The following UMAD1 variants were observed in gnomAD, a reference collection of about 807,000 sequenced individuals.
UMAD1 encodes the protein UBAP1-MVB12-associated (UMA) domain containing 1.
In UMAD1, 8 loss-of-function variants were observed where a neutral mutation model predicts 6.1. The observed-to-expected ratio is 1.30, with a 90% CI of 0.76 to 2.35. The LOEUF is 2.35. Among genes scored for constraint, UMAD1 ranks in the 30% most tolerant of loss-of-function variants. UMAD1 has a pLI of 0.00. For synonymous variants in UMAD1, 56 were observed against 31.4 expected (o/e 1.78, Z -2.61); for missense variants, 130 against 78.4 (o/e 1.66, Z -2.49).
intron 3 of UMAD1, among the ~76,000 whole-genome samples, chr7:7,842,212 G>A (rs147750519): frequency 6.6e-6 from 1 of 152,082 alleles, no homozygotes; most frequent in Admixed American, 6.5e-5. Flanking sequence ...AGTTCTGTGA[G>A]CCCCAGTTCT....
rs542509051 is a variant in UMAD1, at chr7:7,732,531, TA to T, written c.82+59080del. 3.7e-3 allele frequency among the ~76,000 whole-genome samples: 568 copies of T among 152,358 alleles called. 3 individuals are homozygous for T. The highest frequency in any genetic ancestry group is 0.013 in the African/African-American group (542 of 41,586). On this transcript the variant is annotated intron_variant, in intron 2 of 3. Transcript: ENST00000682710. ...TAAAAATGACTTAAATCAGTGTGCC[TA>T]AGACTTTAACATTGCAGTTTAAATT...
chr7:7,681,038 G>T, intron 2 of UMAD1, among the ~76,000 whole-genome samples: 1 of 151,914 alleles, frequency 6.6e-6, no homozygotes, highest in East Asian at 1.9e-4. Context: ...AATATATTTT[G>T]TTGGTTTGTG....
intron 3 of UMAD1, among the ~76,000 whole-genome samples, chr7:7,834,023 T>A (rs866265410): frequency 2.2e-5 from 3 of 135,652 alleles, no homozygotes; most frequent in East Asian, 2.1e-4. Context: ...TTTCTTTTTT[T>A]TTTTTTTTTT....
chr7:7,820,109 A>C (rs1783212875), intron 3 of UMAD1, among the ~76,000 whole-genome samples: 1 of 152,196 alleles, frequency 6.6e-6, no homozygotes, highest in Admixed American at 6.5e-5. Context: ...TTAATTAACC[A>C]AATGAATCAG....
At chr7:7,743,884 AC>A (rs1294557425) in intron 2 of UMAD1, among the ~76,000 whole-genome samples, 1 of 151,918 alleles carries the variant, frequency 6.6e-6, no homozygotes, top group Non-Finnish European at 1.5e-5. Context: ...CTTTTCCATC[AC>A]CCCAGAGAAA....
In UMAD1 at chr7:7,693,229, T is replaced by C. The variant is rs28912716; in HGVS notation, c.82+19776T>C. On this transcript the variant is annotated intron_variant, in intron 2 of 3. Coordinates refer to ENST00000682710, the MANE Select transcript of UMAD1 (RefSeq NM_001302348.2). ...ACTACTGAAATTGTACTGTGCTTCT[T>C]GTTTCCAGTATACAATTCACCAAAC... 4.5e-3 allele frequency among the ~76,000 whole-genome samples: 685 copies of C among 152,298 alleles called. 7 individuals are homozygous for C. Among genetic ancestry groups the C allele is most frequent in the African/African-American group, 0.016 (659 of 41,560 alleles).
At chr7:7,773,398 G>A (rs1022698847) in intron 2 of UMAD1, among the ~76,000 whole-genome samples, 1 of 152,164 alleles carries the variant, frequency 6.6e-6, no homozygotes, top group African/African-American at 2.4e-5. Context: ...CTGTTGAAGT[G>A]TTGATGTAGC....
chr7:7,678,724 T>A (rs1779827134), intron 2 of UMAD1, among the ~76,000 whole-genome samples: 2 of 113,466 alleles, frequency 1.8e-5, no homozygotes, highest in Non-Finnish European at 3.3e-5. Flanking sequence ...AGTTTATAAA[T>A]ATATATTTAT....
intron 1 of UMAD1, among the ~76,000 whole-genome samples, chr7:7,643,112 G>T (rs1012859014): frequency 6.6e-6 from 1 of 152,054 alleles, no homozygotes; most frequent in African/African-American, 2.4e-5. Context: ...TACCGAATTT[G>T]CTTCTCTAAA....
chr7:7,649,734 GTT>G (rs1423504605), intron 1 of UMAD1, among the ~76,000 whole-genome samples: 1 of 81,756 alleles, frequency 1.2e-5, no homozygotes, highest in African/African-American at 5.4e-5. Context: ...TGGTCCGAAT[GTT>G]TGTCTCTCTC....
At chr7:7,760,191 C>G (rs1781857171) in intron 2 of UMAD1, among the ~76,000 whole-genome samples, 1 of 151,990 alleles carries the variant, frequency 6.6e-6, no homozygotes, top group Non-Finnish European at 1.5e-5. Context: ...CCAGCTGAAC[C>G]CAACTTTCTA....
intron 3 of UMAD1, among the ~76,000 whole-genome samples, chr7:7,818,050 T>TGTAAAC (rs1783166966): frequency 1.3e-5 from 2 of 152,156 alleles, no homozygotes; most frequent in Non-Finnish European, 2.9e-5. Context: ...TAGGTAAACA[T>TGTAAAC]GTGTCATGGG....
At chr7:7,847,069 A>C (rs1361827807) in intron 3 of UMAD1, among the ~76,000 whole-genome samples, 5 of 107,412 alleles carry the variant, frequency 4.7e-5, no homozygotes, top group Non-Finnish European at 9.8e-5. Context: ...AAAAAAAAAA[A>C]AAAAAAAGAC....
intron 2 of UMAD1, among the ~76,000 whole-genome samples, chr7:7,797,691 ATT>A (rs35249714): frequency 6.3e-5 from 9 of 142,032 alleles, no homozygotes; most frequent in Non-Finnish European, 9.2e-5. Context: ...ATCATCCAAC[ATT>A]TTTTTTTTTT....
intron 2 of UMAD1, among the ~76,000 whole-genome samples, chr7:7,691,765 A>C (rs1438107801): frequency 6.6e-6 from 1 of 152,202 alleles, no homozygotes; most frequent in Non-Finnish European, 1.5e-5. Context: ...TCGAATTAAA[A>C]TTTGATGGTA....
intron 1 of UMAD1, among the ~76,000 whole-genome samples, chr7:7,654,081 C>A (rs577110369): frequency 6.6e-6 from 1 of 152,122 alleles, no homozygotes; most frequent in Non-Finnish European, 1.5e-5. Flanking sequence ...GCAGTCATTT[C>A]TTATCACTGC....
intron 1 of UMAD1, among the ~76,000 whole-genome samples, chr7:7,663,515 C>G (rs1563097804): frequency 1.3e-5 from 2 of 152,062 alleles, no homozygotes; most frequent in Non-Finnish European, 2.9e-5. Flanking sequence ...GACGGAAAAA[C>G]AGGGGGAGAG....
At chr7:7,755,344 C>T (rs1396571032) in intron 2 of UMAD1, among the ~76,000 whole-genome samples, 7 of 152,168 alleles carry the variant, frequency 4.6e-5, no homozygotes, top group Non-Finnish European at 7.3e-5. Context: ...ACCTTGTTAA[C>T]TGTAGTAAAA....
chr7:7,853,184 C>T (rs999487730), intron 3 of UMAD1, among the ~76,000 whole-genome samples: 5 of 152,200 alleles, frequency 3.3e-5, no homozygotes, highest in South Asian at 4.1e-4. Context: ...TTTCATTGAT[C>T]TATATCTCTC....
Sources: gnomAD v4.1 joint callset for allele counts (sites outside exome capture counted in the v4.1 genomes callset) on GRCh38, gnomAD v4.1.1 for gene constraint, MANE v1.5 for transcripts, NCBI Gene and HGNC (gene_info 2026-07-23, HGNC 2026-07-21) for gene names.